Variants in NRXN3 observed in about 807,000 individuals in gnomAD.
The protein encoded by NRXN3 is neurexin III.
A neutral mutation model predicts 137.6 loss-of-function variants in NRXN3; 32 were observed. The ratio of observed to expected loss-of-function variants is 0.23; its 90% confidence interval spans 0.18 to 0.31. The LOEUF (loss-of-function observed/expected upper bound fraction) is 0.31. Ranked by LOEUF, NRXN3 falls within the 10% of genes least tolerant of loss-of-function variation. NRXN3 has a pLI of 1.00. For missense variants in NRXN3, 1,574 were observed against 2,062.5 expected (o/e 0.76, Z 4.59); for synonymous variants, 798 against 784.5 (o/e 1.02, Z -0.29).
chr14:78,261,571 C>T (rs1275376389), intron 2 of NRXN3, among the ~76,000 whole-genome samples: 2 of 152,172 alleles, frequency 1.3e-5, no homozygotes, highest in African/African-American at 2.4e-5. Context: ...AAATCTTTTA[C>T]TTGTATTAAA....
chr14:78,876,066 A>G (rs897865401), intron 10 of NRXN3, among the ~76,000 whole-genome samples: 1 of 152,184 alleles, frequency 6.6e-6, no homozygotes, highest in Non-Finnish European at 1.5e-5. Context: ...GCTTATTTGT[A>G]TTCCCTTTAA....
At chr14:79,404,031 G>A (rs780365133) in intron 15 of NRXN3, among the ~76,000 whole-genome samples, 2 of 152,152 alleles carry the variant, frequency 1.3e-5, no homozygotes, top group African/African-American at 2.4e-5. Context: ...TGCCATTCAG[G>A]CCATAGGCAC....
At chr14:78,395,285 T>C (rs1347145336) in intron 4 of NRXN3, among the ~76,000 whole-genome samples, 2 of 151,964 alleles carry the variant, frequency 1.3e-5, no homozygotes, top group South Asian at 4.1e-4. Flanking sequence ...TTCTTGAGAC[T>C]TCCTTTTTGA....
At chr14:79,483,936 C>A (rs558304987) in intron 16 of NRXN3, among the ~76,000 whole-genome samples, 10 of 152,158 alleles carry the variant, frequency 6.6e-5, no homozygotes, top group Non-Finnish European at 1.0e-4. Context: ...CACACTCTAC[C>A]ATCTGGAAAT....
At position 78,279,207 on chromosome 14, in the gene NRXN3, G is replaced by T. The variant is rs1280803169; in HGVS notation, c.727+545G>T. Reference sequence around the variant, plus strand: ...TGCTCACTGTGGAAAAAAAAAGCAGGATGGTTTGAATAAATGGTTTTTGTC... The same window carrying T: ...TGCTCACTGTGGAAAAAAAAAGCAGTATGGTTTGAATAAATGGTTTTTGTC... On this transcript the variant is annotated intron_variant, in intron 3 of 20. Coordinates refer to ENST00000335750, the MANE Select transcript of NRXN3 (RefSeq NM_001330195.2). 3.3e-5 allele frequency among the ~76,000 whole-genome samples: 5 copies of T among 152,290 alleles called. No individual in the cohort carries two copies. In the East Asian group the frequency reaches 9.6e-4, roughly 29 times the overall value.
At chr14:78,462,873 T>C (rs757414676) in intron 4 of NRXN3, among the ~76,000 whole-genome samples, 2 of 152,140 alleles carry the variant, frequency 1.3e-5, no homozygotes, top group Non-Finnish European at 2.9e-5. Flanking sequence ...ATGGCAGGAA[T>C]TGGGTACAAG....
intron 15 of NRXN3, among the ~76,000 whole-genome samples, chr14:79,098,406 A>G (rs2050715944): frequency 6.6e-6 from 1 of 152,162 alleles, no homozygotes; most frequent in East Asian, 1.9e-4. Flanking sequence ...TAGCAGATAC[A>G]TGCATCATCT....
chr14:79,585,081 G>C (rs568858838), intron 16 of NRXN3, among the ~76,000 whole-genome samples: 34 of 152,290 alleles, frequency 2.2e-4, no homozygotes, highest in Non-Finnish European at 4.0e-4. Context: ...GAGATGGGCC[G>C]TTCAAGTTTT....
At chr14:79,303,081 G>C (rs1417023161) in intron 15 of NRXN3, among the ~76,000 whole-genome samples, 8 of 151,956 alleles carry the variant, frequency 5.3e-5, no homozygotes, top group Non-Finnish European at 1.0e-4. Context: ...ACAACACACA[G>C]CTTATATGTT....
chr14:79,125,667 A>C (rs8009383), intron 15 of NRXN3, among the ~76,000 whole-genome samples: 50,014 of 151,932 alleles, frequency 0.33, 8,809 homozygotes, highest in Admixed American at 0.47. Flanking sequence ...CCCTTTCACT[A>C]TGCTTGGCCT....
intron 1 of NRXN3, among the ~76,000 whole-genome samples, chr14:78,197,082 C>T (rs571253724): frequency 1.6e-4 from 24 of 152,286 alleles, no homozygotes; most frequent in South Asian, 4.1e-4. Flanking sequence ...ACTGGAGCTG[C>T]GGAAGTGTGG....
At chr14:79,836,675 A>G (rs1458603662) in intron 20 of NRXN3, among the ~76,000 whole-genome samples, 1 of 152,170 alleles carries the variant, frequency 6.6e-6, no homozygotes, top group Non-Finnish European at 1.5e-5. Flanking sequence ...AACCTCATGT[A>G]TGTGAATGTT....
intron 15 of NRXN3, among the ~76,000 whole-genome samples, chr14:79,244,971 C>A (rs1003236609): frequency 1.3e-5 from 2 of 152,074 alleles, no homozygotes; most frequent in Non-Finnish European, 2.9e-5. Flanking sequence ...GCCATCAAGG[C>A]AGGATATAAC....
intron 4 of NRXN3, among the ~76,000 whole-genome samples, chr14:78,468,343 A>G (rs749813894): frequency 1.3e-5 from 2 of 152,132 alleles, no homozygotes; most frequent in Non-Finnish European, 2.9e-5. Flanking sequence ...ATCTTTGGTC[A>G]GTTGCACGTG....
chr14:78,562,249 T>C (rs2096793142), intron 4 of NRXN3, among the ~76,000 whole-genome samples: 1 of 151,582 alleles, frequency 6.6e-6, no homozygotes, highest in African/African-American at 2.4e-5. Flanking sequence ...ATACAAAAAT[T>C]AGTCAGGTGT....
chr14:78,745,330 A>G (rs560144454), intron 8 of NRXN3: 1 of 152,460 alleles, frequency 6.6e-6, no homozygotes, highest in South Asian at 2.1e-4. Flanking sequence ...TCCTGCAGAG[A>G]GAGAAAGCCC....
chr14:79,423,614 A>G (rs998140536), intron 15 of NRXN3, among the ~76,000 whole-genome samples: 1 of 152,204 alleles, frequency 6.6e-6, no homozygotes, highest in African/African-American at 2.4e-5. Context: ...GCTCCCCTCC[A>G]CTTTTCCTTC....
At chr14:79,509,357 C>T (rs143724211) in intron 16 of NRXN3, among the ~76,000 whole-genome samples, 20 of 151,988 alleles carry the variant, frequency 1.3e-4, no homozygotes, top group Non-Finnish European at 2.4e-4. Context: ...AATACACACA[C>T]GCAAAAATAT....
chr14:78,882,842 G>A (rs888341568), intron 10 of NRXN3, among the ~76,000 whole-genome samples: 2 of 151,450 alleles, frequency 1.3e-5, no homozygotes, highest in Admixed American at 6.6e-5. Context: ...GAATAATATG[G>A]TTTGGCTATG....
Sources: allele counts gnomAD v4.1 joint callset (sites outside exome capture counted in the v4.1 genomes callset), GRCh38; gene constraint gnomAD v4.1.1; transcripts MANE v1.5; gene names NCBI Gene and HGNC (gene_info 2026-07-23, HGNC 2026-07-21).